EGFL8: variants seen among roughly 807,000 people sequenced by gnomAD.
EGFL8 encodes the protein epidermal growth factor-like protein 8.
A neutral mutation model predicts 39.4 loss-of-function variants in EGFL8; 32 were observed. The observed-to-expected ratio is 0.81, with a 90% confidence interval of 0.61 to 1.09. The LOEUF is 1.09. Among genes scored for constraint, EGFL8 ranks in the 50% least tolerant of loss-of-function variants. The probability of loss-of-function intolerance (pLI) is 0.00; values close to 1 mark genes in which losing one functional copy is unlikely to be tolerated. For synonymous variants in EGFL8, 177 were observed against 168.5 expected, an observed-to-expected ratio of 1.05 and a Z score of -0.39; for missense variants, 385 against 402.2, an observed-to-expected ratio of 0.96 and a Z score of 0.37.
rs1163932802 is a variant in EGFL8 at position 32,167,695 on chromosome 6, C to T, written c.835+39C>T. 1 of 1,572,344 alleles carries T rather than the reference C, an allele frequency of 6.4e-7. No individual in the cohort carries two copies. The highest frequency in any genetic ancestry group is 8.6e-7 in the Non-Finnish European group (1 of 1,157,910). On this transcript the variant is annotated intron_variant, in intron 8 of 8. Coordinates refer to ENST00000333845, the MANE Select transcript of EGFL8 (RefSeq NM_030652.4). This position sits in a 1 kb window ranked among gnomAD's most constrained non-coding sequence, Gnocchi z 6.4. Reference sequence around the variant, plus strand: ...CTCCTCCCGCCTTGACTTCTATTCCCCAACTTTCCCCAAGACCCCTCTCCA... The same window carrying T: ...CTCCTCCCGCCTTGACTTCTATTCCTCAACTTTCCCCAAGACCCCTCTCCA...
intron 1 of EGFL8, among the ~76,000 whole-genome samples, chr6:32,165,069 G>A (rs1391996248): frequency 6.6e-6 from 1 of 151,716 alleles, no homozygotes; most frequent in Non-Finnish European, 1.5e-5. Context: ...CCACCACTGC[G>A]CCTGGCTAAT....
rs1386866101 is a variant in EGFL8, at chr6:32,164,681, G to C, written c.-29+24G>C. Reference sequence around the variant, plus strand: ...AGGTGGGAATGGAGAGAGAGAGGAAGGCAAGTGGGGAGAGAATTTCAAATG... The same window carrying C: ...AGGTGGGAATGGAGAGAGAGAGGAACGCAAGTGGGGAGAGAATTTCAAATG... On this transcript the variant is annotated intron_variant, in intron 1 of 8. Transcript: ENST00000333845. This position sits in a 1 kb window ranked among gnomAD's most constrained non-coding sequence, Gnocchi z 5.4. 1 of 715,662 alleles carries C rather than the reference G, an allele frequency of 1.4e-6. No homozygotes were observed. The highest frequency in any genetic ancestry group is 2.0e-5 in the Admixed American group (1 of 50,046). The allele number at this position is 715,662 out of a possible 1,614,324, so 44.3% of individuals were successfully genotyped here.
rs1374380764 is a variant in EGFL8 at position 32,166,551 on chromosome 6, C to A, written c.155C>A (p.Ser52Tyr). Residue 52 changes from serine (S) to tyrosine (Y), a missense_variant, in exon 3 of 9, where the codon TCC becomes TAC. Coordinates refer to ENST00000333845, the MANE Select transcript of EGFL8 (RefSeq NM_030652.4). This position sits in a 1 kb window ranked among gnomAD's most constrained non-coding sequence, Gnocchi z 7.3. ...TLVVPLHYNE[S>Y]YSQPVYKPYL... ...GTGGTCCCGCTCCACTACAACGAGT[C>A]CTACAGCCAACCAGTGTACAAGCCC... 1 of 1,614,078 alleles carries A rather than the reference C, an allele frequency of 6.2e-7. No homozygotes were observed. Among genetic ancestry groups the A allele is most frequent in the Admixed American group, 1.7e-5 (1 of 60,024 alleles).
At position 32,168,239 on chromosome 6, in the gene EGFL8, T is replaced by G. The variant is rs991853535; in HGVS notation, c.*283T>G. 20 of 455,786 alleles carry G rather than the reference T, an allele frequency of 4.4e-5. No individual in the cohort carries two copies. Among genetic ancestry groups the G allele is most frequent in the Non-Finnish European group, 6.7e-5 (17 of 255,286 alleles). The allele number at this position is 455,786 out of a possible 1,614,324, so 28.2% of individuals were successfully genotyped here. ...TCTCTCTCTCTTTATTTTCAGTTTT[T>G]TTGCTGTTATCCAGATAATTAATAA... On this transcript the variant is annotated 3_prime_UTR_variant, in exon 9 of 9. Transcript: ENST00000333845. This position sits in a 1 kb window ranked among gnomAD's most constrained non-coding sequence, Gnocchi z 4.5.
rs900817931 is a variant in EGFL8 at position 32,166,915 on chromosome 6, T to G, written c.340T>G (p.Cys114Gly). ...CCCACTTCCTCTGTCCTCAGCCATC[T>G]GCGCCAAGCCTTGCCTGAACGGAGG... ...HPGALTCEAICAKPCLNGGVC... is the reference protein window; with the variant it reads ...HPGALTCEAIGAKPCLNGGVC... Residue 114 changes from cysteine to glycine, a missense_variant, in exon 5 of 9, where the codon TGC becomes GGC. Cys to Gly is a radical substitution (Grantham distance 159). Transcript: ENST00000333845. This position sits in a 1 kb window ranked among gnomAD's most constrained non-coding sequence, Gnocchi z 7.3. 1.9e-6 allele frequency: 3 copies of G among 1,611,046 alleles called. No homozygotes were observed. The highest frequency in any genetic ancestry group is 3.3e-5 in the Admixed American group (2 of 59,864).
At position 32,166,762 on chromosome 6, in the gene EGFL8, TGCTGCCAGG is replaced by T; in HGVS notation, c.291_299del (p.Cys97_Gly99del). 3.2e-6 allele frequency: 5 copies of T among 1,577,794 alleles called. No individual in the cohort carries two copies. The highest frequency in any genetic ancestry group is 4.3e-6 in the Non-Finnish European group (5 of 1,160,352). The stretch of plus-strand genomic sequence containing the variant: ...GGAGGTTCAGCAGACCCATGCAGTG[TGCTGCCAGG>T]GCTGGAAGAAGCGGCACCCGGGGGC... On this transcript the variant is annotated inframe_deletion, in exon 4 of 9. Transcript: ENST00000333845. This position sits in a 1 kb window ranked among gnomAD's most constrained non-coding sequence, Gnocchi z 7.3.
In EGFL8 at chr6:32,164,693, G is replaced by C. The variant is rs1432211064; in HGVS notation, c.-29+36G>C. The C allele has an allele frequency of 4.2e-6, 3 of 714,018 alleles. No individual in the cohort carries two copies. The highest frequency in any genetic ancestry group is 3.5e-5 in the African/African-American group (2 of 57,244). 44.2% of individuals were successfully genotyped at this position (714,018 alleles called of 1,614,324 possible). A position where few individuals can be genotyped will look rare whatever the true frequency, so the allele number is the denominator to read the frequency against. ...AGAGAGAGAGGAAGGCAAGTGGGGA[G>C]AGAATTTCAAATGGGGAAAGAGTGG... On this transcript the variant is annotated intron_variant, in intron 1 of 8. Transcript: ENST00000333845. This position sits in a 1 kb window ranked among gnomAD's most constrained non-coding sequence, Gnocchi z 5.4.
rs761842065 is a variant in EGFL8 at position 32,167,078 on chromosome 6, G to A, written c.431-9G>A. 5.6e-6 allele frequency: 9 copies of A among 1,612,786 alleles called. No individual in the cohort carries two copies. The highest frequency in any genetic ancestry group is 4.0e-5 in the African/African-American group (3 of 74,862). On this transcript the variant is annotated splice_polypyrimidine_tract_variant and intron_variant, in intron 5 of 8. Coordinates refer to ENST00000333845, the MANE Select transcript of EGFL8 (RefSeq NM_030652.4). This position sits in a 1 kb window ranked among gnomAD's most constrained non-coding sequence, Gnocchi z 6.4. ...CCTCTCTCAGCCCCTTCCTTTTTTC[G>A]GTAACTAGACGTGGATGAATGTAGG... is the stretch of plus-strand genomic sequence containing the variant.
At position 32,166,768 on chromosome 6, in the gene EGFL8, C is replaced by T. The variant is rs1784531568; in HGVS notation, c.292C>T (p.Gln98Ter). The T allele has an allele frequency of 4.4e-6, 7 of 1,575,196 alleles. No homozygotes were observed. Among genetic ancestry groups the T allele is most frequent in the Non-Finnish European group, 6.0e-6 (7 of 1,159,016 alleles). Residue 98 changes from glutamine to a stop codon, truncating the protein, a stop_gained, in exon 4 of 9, where the codon CAG (glutamine) becomes TAG (stop). Coordinates refer to ENST00000333845, the MANE Select transcript of EGFL8 (RefSeq NM_030652.4). LOFTEE classifies it high-confidence loss of function. This position sits in a 1 kb window ranked among gnomAD's most constrained non-coding sequence, Gnocchi z 7.3. Reference protein sequence around the residue: ...EVQQTHAVCCQGWKKRHPGAL... With the variant: ...EVQQTHAVCC ...TCAGCAGACCCATGCAGTGTGCTGC[C>T]AGGGCTGGAAGAAGCGGCACCCGGG...
At position 32,166,084 on chromosome 6, in the gene EGFL8, G is replaced by A; in HGVS notation, c.-28-54G>A. ...GAGTGCCCTTGGAGGGACTAGTGCT[G>A]GAGAAATTAATAGGAGAGGGGACGG... On this transcript the variant is annotated intron_variant, in intron 1 of 8. Coordinates refer to ENST00000333845, the MANE Select transcript of EGFL8 (RefSeq NM_030652.4). This position sits in a 1 kb window ranked among gnomAD's most constrained non-coding sequence, Gnocchi z 7.3. 1 of 1,433,694 alleles carries A rather than the reference G, an allele frequency of 7.0e-7. No homozygotes were observed. Among genetic ancestry groups the A allele is most frequent in the Non-Finnish European group, 9.8e-7 (1 of 1,019,728 alleles). The allele number at this position is 1,433,694 out of a possible 1,614,324, so 88.8% of individuals were successfully genotyped here. A position where few individuals can be genotyped will look rare whatever the true frequency, so the allele number is the denominator to read the frequency against.
chr6:32,167,023 C>T lies in EGFL8; in HGVS notation c.430+18C>T. 6.2e-7 allele frequency: 1 copy of T among 1,612,850 alleles called. No homozygotes were observed. The highest frequency in any genetic ancestry group is 1.7e-4 in the Middle Eastern group (1 of 6,060). ...TCATGTGGGTGAGTCAGCTTGTCCT[C>T]CCCACCTACCCAGGTGCTTGCCCCC... On this transcript the variant is annotated intron_variant, in intron 5 of 8. Transcript: ENST00000333845. The surrounding 1 kb of genome is among the most constrained non-coding windows in gnomAD (Gnocchi z 6.4).
rs1784370675 is a variant in EGFL8, at chr6:32,164,789, G to A, written c.-29+132G>A. On this transcript the variant is annotated intron_variant, in intron 1 of 8. Transcript: ENST00000333845. The surrounding 1 kb of genome is among the most constrained non-coding windows in gnomAD (Gnocchi z 5.4). ...GTTGGAGCAAGGGATGTGCATTTAGGGCGTTATGTGACGGTGTGGGTATAT... is the reference window on the plus strand; with the variant it reads ...GTTGGAGCAAGGGATGTGCATTTAGAGCGTTATGTGACGGTGTGGGTATAT... 1 of 638,734 alleles carries A rather than the reference G, an allele frequency of 1.6e-6. No individual in the cohort carries two copies. 39.6% of individuals were successfully genotyped at this position (638,734 alleles called of 1,614,324 possible). A position where few individuals can be genotyped will look rare whatever the true frequency, so the allele number is the denominator to read the frequency against.
In EGFL8 at chr6:32,166,290, C is replaced by G. The variant is rs748951569; in HGVS notation, c.101+24C>G. 6.2e-7 allele frequency: 1 copy of G among 1,611,214 alleles called. No individual in the cohort carries two copies. Among genetic ancestry groups the G allele is most frequent in the South Asian group, 1.1e-5 (1 of 90,976 alleles). ...AGGTGACAACAGAGGGGGTAGGGCC[C>G]GGGGTGAGCTCTTCTCAGGAGCCTT... On this transcript the variant is annotated intron_variant, in intron 2 of 8. Transcript: ENST00000333845. The surrounding 1 kb of genome is among the most constrained non-coding windows in gnomAD (Gnocchi z 7.3).
chr6:32,166,556 A>G lies in EGFL8; in HGVS notation c.160A>G (p.Ser54Gly). The change falls in exon 3 of 9, where the codon AGC (serine) becomes GGC (glycine). Residue 54 changes from serine to glycine, a missense_variant. Coordinates refer to ENST00000333845, the MANE Select transcript of EGFL8 (RefSeq NM_030652.4). This position sits in a 1 kb window ranked among gnomAD's most constrained non-coding sequence, Gnocchi z 7.3. ...VVPLHYNESY[S>G]QPVYKPYLTL... Reference sequence around the variant, plus strand: ...CCCGCTCCACTACAACGAGTCCTACAGCCAACCAGTGTACAAGCCCTACCT... The same window carrying G: ...CCCGCTCCACTACAACGAGTCCTACGGCCAACCAGTGTACAAGCCCTACCT... 1 of 1,614,132 alleles carries G rather than the reference A, an allele frequency of 6.2e-7. No homozygotes were observed. The highest frequency in any genetic ancestry group is 2.2e-5 in the East Asian group (1 of 44,886).
chr6:32,164,830 G>C lies in EGFL8; in HGVS notation c.-29+173G>C. The C allele has an allele frequency of 1.7e-6, 1 of 601,768 alleles. No homozygotes were observed. 37.3% of individuals were successfully genotyped at this position (601,768 alleles called of 1,614,324 possible). On this transcript the variant is annotated intron_variant, in intron 1 of 8. Coordinates refer to ENST00000333845, the MANE Select transcript of EGFL8 (RefSeq NM_030652.4). This position sits in a 1 kb window ranked among gnomAD's most constrained non-coding sequence, Gnocchi z 5.4. ...GTGGGTATATGAGGGGAGTAGCAGT[G>C]TGTGAAAGGTGTGGAGTTTCCAGGT...
chr6:32,167,409 C>T lies in EGFL8; in HGVS notation c.661C>T (p.Arg221Cys), dbSNP rs753542346. Residue 221 changes from arginine to cysteine, a missense_variant, in exon 7 of 9, where the codon CGC becomes TGC. Arg to Cys is a radical substitution (Grantham distance 180, BLOSUM62 -3). Transcript: ENST00000333845. This position sits in a 1 kb window ranked among gnomAD's most constrained non-coding sequence, Gnocchi z 6.4. ...LKQEIHELRGRLERLEQWAGQ... is the reference protein window; with the variant it reads ...LKQEIHELRGCLERLEQWAGQ... ...GCAGGAGATTCACGAGCTGCGAGGG[C>T]GCCTGGAGCGGCTGGAGCAGGTGAG... 22 of 1,612,870 alleles carry T rather than the reference C, an allele frequency of 1.4e-5. No individual in the cohort carries two copies. The highest frequency in any genetic ancestry group is 1.6e-4 in the Middle Eastern group (1 of 6,084).
In EGFL8 at chr6:32,166,037, A is replaced by C; in HGVS notation, c.-28-101A>C. ...CTAGTATGTAAAAGTGAATGTCCTGACTCCCTTAGAGGGTACCTGCAGAGT... is the reference window on the plus strand; with the variant it reads ...CTAGTATGTAAAAGTGAATGTCCTGCCTCCCTTAGAGGGTACCTGCAGAGT... On this transcript the variant is annotated intron_variant, in intron 1 of 8. Coordinates refer to ENST00000333845, the MANE Select transcript of EGFL8 (RefSeq NM_030652.4). The surrounding 1 kb of genome is among the most constrained non-coding windows in gnomAD (Gnocchi z 7.3). 3.5e-6 allele frequency: 3 copies of C among 857,336 alleles called. No homozygotes were observed. The highest frequency in any genetic ancestry group is 5.8e-6 in the Non-Finnish European group (3 of 515,698). The allele number at this position is 857,336 out of a possible 1,614,324, so 53.1% of individuals were successfully genotyped here.
In EGFL8 at chr6:32,167,794, T is replaced by G. The variant is rs1784676842; in HGVS notation, c.836-116T>G. ...CTCATGCCTCTCCACTTTACCATCG[T>G]TCTCTTCTGAAATCCTGTCCCCAGC... On this transcript the variant is annotated intron_variant, in intron 8 of 8. Coordinates refer to ENST00000333845, the MANE Select transcript of EGFL8 (RefSeq NM_030652.4). The surrounding 1 kb of genome is among the most constrained non-coding windows in gnomAD (Gnocchi z 6.4). 2.6e-6 allele frequency: 4 copies of G among 1,531,334 alleles called. No homozygotes were observed. Among genetic ancestry groups the G allele is most frequent in the Non-Finnish European group, 3.6e-6 (4 of 1,118,568 alleles). The allele number at this position is 1,531,334 out of a possible 1,614,324, so 94.9% of individuals were successfully genotyped here. A position where few individuals can be genotyped will look rare whatever the true frequency, so the allele number is the denominator to read the frequency against.
rs753934982 is a variant in EGFL8, at chr6:32,167,924, A to G, written c.850A>G (p.Asn284Asp). Residue 284 changes from asparagine to aspartate, a missense_variant, in exon 9 of 9, where the codon AAC becomes GAC. Asn to Asp is a conservative substitution (Grantham distance 23, BLOSUM62 1). Coordinates refer to ENST00000333845, the MANE Select transcript of EGFL8 (RefSeq NM_030652.4). This position sits in a 1 kb window ranked among gnomAD's most constrained non-coding sequence, Gnocchi z 6.4. ...TCATTAACCAGGCTCCTGTGAGGAC[A>G]ACAGCCTGGGCCTCGGCGTCAATCA... ...ERLGACSCED[N>D]SLGLGVNHR The G allele has an allele frequency of 3.1e-6, 5 of 1,614,250 alleles. No homozygotes were observed. The highest frequency in any genetic ancestry group is 4.2e-6 in the Non-Finnish European group (5 of 1,180,052).
Sources: gnomAD v4.1 joint callset for allele counts (sites outside exome capture counted in the v4.1 genomes callset) on GRCh38, gnomAD v4.1.1 for gene constraint, Gnocchi (gnomAD v3.1) non-coding constraint, MANE v1.5 for transcripts, NCBI Gene and HGNC (gene_info 2026-07-23, HGNC 2026-07-21) for gene names.